Variants in HUWE1 observed in about 807,000 individuals in gnomAD.
HUWE1 encodes the protein HECT, UBA and WWE domain containing E3 ubiquitin protein ligase 1, also known as E3 ubiquitin-protein ligase HUWE1.
HUWE1 carries 18 observed loss-of-function variants against 299.4 expected under a neutral mutation model. The observed-to-expected ratio is 0.06, with a 90% CI of 0.04 to 0.09. The LOEUF is 0.09. Among genes scored for constraint, HUWE1 ranks in the 10% least tolerant of loss-of-function variants. HUWE1 has a pLI of 1.00. For missense variants in HUWE1, 1,832 were observed against 3,462.3 expected, an observed-to-expected ratio of 0.53 and a Z score of 11.82; for synonymous variants, 1,317 against 1,286.1, an observed-to-expected ratio of 1.02 and a Z score of -0.51.
At chrX:53,654,488 GA>G (rs782315284) in intron 3 of HUWE1, among the ~76,000 whole-genome samples, 1,128 of 111,792 alleles carry the variant, frequency 0.01, 6 homozygotes, top group Non-Finnish European at 0.016. Context: ...GCAGTTCCCT[GA>G]TAACTTCCAT....
chrX:53,568,220 CAAGG>C (rs1236518406), intron 49 of HUWE1, among the ~76,000 whole-genome samples: 1 of 111,461 alleles, frequency 9.0e-6, no homozygotes, highest in Non-Finnish European at 1.9e-5. Flanking sequence ...ATTTTCATAG[CAAGG>C]AAGTGACCAG....
Position 53,547,839 on chromosome X carries a change from TGTGGTTGAG to T in HUWE1, c.10461_10469del (p.Ser3491_Thr3493del). 1 of 1,199,658 alleles carries T rather than the reference TGTGGTTGAG, an allele frequency of 8.3e-7. No individual in the cohort carries two copies. The highest frequency in any genetic ancestry group is 1.1e-6 in the Non-Finnish European group (1 of 888,646). ...AGGCGGCAGTGGTGGTGGTGGTAGA[TGTGGTTGAG>T]GTGGCAGTGGTGGTGGAGGAAGCAC... is the stretch of plus-strand genomic sequence containing the variant. On this transcript the variant is annotated inframe_deletion, in exon 68 of 84. Coordinates refer to ENST00000262854, the MANE Select transcript of HUWE1 (RefSeq NM_031407.7).
rs149673252 is a variant in HUWE1, at chrX:53,551,158, C to T, written c.9128G>A (p.Arg3043Gln). 5.0e-6 allele frequency: 6 copies of T among 1,210,067 alleles called. No homozygotes were observed. Among genetic ancestry groups the T allele is most frequent in the African/African-American group, 3.5e-5 (2 of 57,151 alleles). ...GCTGGCATTCTGTGCTAGTTCTCGT[C>T]GCTGCTGCTCAGCTCTCTGCTGTGC... The part of the protein sequence containing the change: ...VLAQQRAEQQ[R>Q]RELAQNASSD... The change falls in exon 65 of 84, where the codon CGA (arginine) becomes CAA (glutamine). Residue 3043 changes from arginine (R) to glutamine (Q), a missense_variant. Arg to Gln is a conservative substitution (Grantham distance 43, BLOSUM62 1). Transcript: ENST00000262854.
At chrX:53,585,677 G>A (rs1172373881) in intron 39 of HUWE1, among the ~76,000 whole-genome samples, 1 of 111,965 alleles carries the variant, frequency 8.9e-6, no homozygotes, top group Non-Finnish European at 1.9e-5. Flanking sequence ...AACTTGTACA[G>A]TTTATATTAA....
chrX:53,549,530 G>GT (rs782296005), intron 66 of HUWE1, 25 bp from the exon 67 acceptor site: 47 of 1,156,187 alleles, frequency 4.1e-5, no homozygotes, highest in Admixed American at 1.3e-4. Context: ...TGGTTTTTGG[G>GT]TAACACTTCA....
intron 3 of HUWE1, among the ~76,000 whole-genome samples, chrX:53,667,653 A>C (rs1416629699): frequency 3.6e-5 from 4 of 112,237 alleles, no homozygotes; most frequent in Admixed American, 2.8e-4. Flanking sequence ...ACCATCATTA[A>C]GTCGGGGACG....
At position 53,560,338 on chromosome X, in the gene HUWE1, G is replaced by A. The variant is rs1556939810; in HGVS notation, c.7586C>T (p.Thr2529Ile). 1 of 1,209,864 alleles carries A rather than the reference G, an allele frequency of 8.3e-7. No individual in the cohort carries two copies. Among genetic ancestry groups the A allele is most frequent in the African/African-American group, 1.8e-5 (1 of 57,106 alleles). Residue 2529 changes from threonine to isoleucine, a missense_variant, in exon 56 of 84, where the codon ACA (threonine) becomes ATA (isoleucine). By Grantham distance (89) the Thr-to-Ile change is moderately conservative. Transcript: ENST00000262854. Reference sequence around the variant, plus strand: ...AGTTGTTGAAGAGCCACTGCCCAGTGTCAGAGAACTGTGGTCTGCATGGCG... The same window carrying A: ...AGTTGTTGAAGAGCCACTGCCCAGTATCAGAGAACTGTGGTCTGCATGGCG... ...MVRHADHSSLTLGSGSSTTRL... is the reference protein window; with the variant it reads ...MVRHADHSSLILGSGSSTTRL...
At chrX:53,660,382 A>G (rs1327877463) in intron 3 of HUWE1, among the ~76,000 whole-genome samples, 2 of 112,577 alleles carry the variant, frequency 1.8e-5, no homozygotes, top group African/African-American at 6.5e-5. Flanking sequence ...ATGCACACAC[A>G]CAAATGTTCC....
Position 53,534,633 on chromosome X carries a change from G to C in HUWE1, c.12714C>G (p.Leu4238=). 1 of 1,211,088 alleles carries C rather than the reference G, an allele frequency of 8.3e-7. No homozygotes were observed. The highest frequency in any genetic ancestry group is 1.8e-5 in the South Asian group (1 of 56,954). ...EGFYEIIPKR[L]ISIFTEQELE... is the part of the protein sequence containing the mutation. ...ACTCCTGCTCAGTGAAGATGGAAAT[G>C]AGGCGCTTTGGAATGATCTCATAGA... The change falls in exon 82 of 84, where the codon CTC becomes CTG. Residue 4238 remains leucine, a synonymous_variant. Transcript: ENST00000262854.
chrX:53,649,136 C>G (rs1274735081), intron 4 of HUWE1, among the ~76,000 whole-genome samples: 1 of 112,129 alleles, frequency 8.9e-6, no homozygotes. Context: ...TCTGGATTCA[C>G]TTTTTAACTT....
chrX:53,563,245 CTTTGATTTCCT>C (rs781831151), intron 52 of HUWE1, among the ~76,000 whole-genome samples: 7 of 112,239 alleles, frequency 6.2e-5, no homozygotes, highest in African/African-American at 2.3e-4. Flanking sequence ...TCCATTTATC[CTTTGATTTCCT>C]TGATCAACAA....
intron 6 of HUWE1, among the ~76,000 whole-genome samples, chrX:53,646,002 T>C (rs2068010561): frequency 9.1e-6 from 1 of 110,088 alleles, no homozygotes; most frequent in Non-Finnish European, 1.9e-5. Flanking sequence ...TGTTCTCTTC[T>C]GTATCCTTTA....
rs1248705775 is a variant in HUWE1, at chrX:53,658,665, A to G, written c.-24-4534T>C. Among the ~76,000 whole-genome samples, 3 of 110,314 alleles carry G rather than the reference A, an allele frequency of 2.7e-5. No individual in the cohort carries two copies. The East Asian group carries it at 8.4e-4, about 31-fold the overall frequency. On this transcript the variant is annotated intron_variant, in intron 3 of 83. Coordinates refer to ENST00000262854, the MANE Select transcript of HUWE1 (RefSeq NM_031407.7). ...TGGAACAACTCGATACATACATGCG[A>G]AAAAAAAAATCTAAACCGAAATTAC...
At chrX:53,588,556 T>C (rs781945026) in intron 36 of HUWE1, 22 bp from the exon 37 acceptor site, 1 of 1,189,556 alleles carries the variant, frequency 8.4e-7, no homozygotes, top group South Asian at 1.8e-5. Flanking sequence ...AAAAAAGGGT[T>C]AAGTCACGGA....
At chrX:53,555,636 C>CTTTTT (rs1175050260) in intron 60 of HUWE1, among the ~76,000 whole-genome samples, 1 of 75,267 alleles carries the variant, frequency 1.3e-5, no homozygotes, top group Non-Finnish European at 2.5e-5. Flanking sequence ...CCTTCAAAAT[C>CTTTTT]TTTTTTTTTT....
At chrX:53,602,504 A>G in intron 28 of HUWE1, 60 bp downstream of exon 28, 1 of 684,252 alleles carries the variant, frequency 1.5e-6, no homozygotes, top group Non-Finnish European at 2.4e-6. Context: ...TAATAAACCT[A>G]TAAAGACGTA....
chrX:53,587,637 G>T (rs1602902694), intron 37 of HUWE1, among the ~76,000 whole-genome samples: 1 of 111,669 alleles, frequency 9.0e-6, no homozygotes, highest in East Asian at 2.8e-4. Flanking sequence ...TTTCCCACAA[G>T]TATCTATTTA....
intron 47 of HUWE1, among the ~76,000 whole-genome samples, chrX:53,570,123 G>A (rs1415175451): frequency 2.7e-5 from 3 of 112,143 alleles, no homozygotes; most frequent in East Asian, 5.5e-4. Flanking sequence ...TTATTAAAAT[G>A]TTTTTAAGAA....
intron 7 of HUWE1, among the ~76,000 whole-genome samples, chrX:53,644,465 A>T (rs2067831113): frequency 8.9e-6 from 1 of 111,969 alleles, no homozygotes; most frequent in Non-Finnish European, 1.9e-5. Context: ...GTATCTTAAG[A>T]AAACAGGTCA....
Sources: gnomAD v4.1 joint callset for allele counts (sites outside exome capture counted in the v4.1 genomes callset) on GRCh38, gnomAD v4.1.1 for gene constraint, MANE v1.5 for transcripts, NCBI Gene and HGNC (gene_info 2026-07-23, HGNC 2026-07-21) for gene names.